The following RANBP2 variants were observed in gnomAD, a reference collection of about 807,000 sequenced individuals.
The protein encoded by RANBP2 is RAN binding protein 2.
RANBP2 carries 57 observed loss-of-function variants against 303.6 expected under a neutral mutation model. That is an observed-to-expected ratio of 0.19 (90% CI 0.15 to 0.23). The LOEUF is 0.23. Among genes scored for constraint, RANBP2 ranks in the 10% least tolerant of loss-of-function variants. RANBP2 has a pLI of 1.00. For missense variants in RANBP2, 3,138 were observed against 3,780.8 expected, an observed-to-expected ratio of 0.83 and a Z score of 4.46; for synonymous variants, 1,167 against 1,301.5, an observed-to-expected ratio of 0.90 and a Z score of 2.23.
the RANBP2 span, among the ~76,000 whole-genome samples, chr2:108,998,283 C>A: frequency 1.3e-5 from 2 of 152,196 alleles, no homozygotes; most frequent in East Asian, 3.9e-4. Context: ...ACCTGCCCCT[C>A]GGATAATGCT....
the RANBP2 span, chr2:109,251,778 A>G: frequency 1.9e-6 from 1 of 534,388 alleles, no homozygotes; most frequent in Non-Finnish European, 3.3e-6. Context: ...AATAGTCAAA[A>G]AAAGAATTAG....
At chr2:109,287,653 C>T in the RANBP2 span, among the ~76,000 whole-genome samples, 1 of 152,180 alleles carries the variant, frequency 6.6e-6, no homozygotes, top group African/African-American at 2.4e-5. Flanking sequence ...ACTGTGAGAT[C>T]AGGGTGTTCC....
At chr2:109,683,951 A>T in the RANBP2 span, among the ~76,000 whole-genome samples, 1 of 150,228 alleles carries the variant, frequency 6.7e-6, no homozygotes, top group Non-Finnish European at 1.5e-5. Context: ...GCAAAACCCT[A>T]TTTTTTTTTT....
chr2:109,501,815 G>A, the RANBP2 span: 13 of 605,640 alleles, frequency 2.1e-5, no homozygotes, highest in Admixed American at 2.8e-5. Flanking sequence ...CCAGGGTGGG[G>A]GCCAGGGACT....
chr2:109,556,519 GAACAGATCCTAAACACTTGCAGA>G, the RANBP2 span, among the ~76,000 whole-genome samples: 6 of 152,220 alleles, frequency 3.9e-5, no homozygotes, highest in East Asian at 9.6e-4. Flanking sequence ...TTCCAAGCAG[GAACAGATCCTAAACACTTGCAGA>G]AACCTGTTCT....
chr2:108,779,440 C>CA (rs1208664869), intron 25 of RANBP2, among the ~76,000 whole-genome samples: 2 of 152,040 alleles, frequency 1.3e-5, no homozygotes, highest in Non-Finnish European at 2.9e-5. Flanking sequence ...GCTGGGATTA[C>CA]AGGCATGAGC....
At chr2:109,080,425 A>G in the RANBP2 span, among the ~76,000 whole-genome samples, 3 of 152,278 alleles carry the variant, frequency 2.0e-5, no homozygotes, top group South Asian at 6.2e-4. Flanking sequence ...GAGGGATGGA[A>G]TAAGTTGATG....
chr2:108,768,486 T>C lies in RANBP2; in HGVS notation c.7849+98T>C, dbSNP rs538321475. The C allele has an allele frequency of 3.6e-3, 5,805 of 1,593,330 alleles. 21 individuals carry two copies. The highest frequency in any genetic ancestry group is 0.019 in the Middle Eastern group (81 of 4,372). ...TAGGATACTAATGTTGGGATATAAATGATGCTTTGTGAACACCCCCAAAAT... is the reference window on the plus strand; with the variant it reads ...TAGGATACTAATGTTGGGATATAAACGATGCTTTGTGAACACCCCCAAAAT... On this transcript the variant is annotated intron_variant, in intron 20 of 28. Coordinates refer to ENST00000283195, the MANE Select transcript of RANBP2 (RefSeq NM_006267.5).
the RANBP2 span, among the ~76,000 whole-genome samples, chr2:109,275,291 G>A: frequency 6.6e-6 from 1 of 152,098 alleles, no homozygotes; most frequent in Admixed American, 6.5e-5. Flanking sequence ...AAGTAGGAGA[G>A]CCTAGAGGCA....
the RANBP2 span, among the ~76,000 whole-genome samples, chr2:109,470,647 G>A: frequency 2.0e-5 from 3 of 152,204 alleles, no homozygotes; most frequent in South Asian, 2.1e-4. Flanking sequence ...ACAGTGCCAC[G>A]CATGGGGTGC....
At chr2:109,293,901 C>A in the RANBP2 span, among the ~76,000 whole-genome samples, 19 of 152,292 alleles carry the variant, frequency 1.2e-4, no homozygotes, top group African/African-American at 4.6e-4. Context: ...GGCTTGTTGC[C>A]GAGTAGCCCT....
the RANBP2 span, chr2:108,873,648 A>T: frequency 7.8e-7 from 1 of 1,286,842 alleles, no homozygotes; most frequent in South Asian, 1.4e-5. Context: ...TGATCATTTA[A>T]ACCAGGGGTT....
At chr2:109,190,372 C>T in the RANBP2 span, among the ~76,000 whole-genome samples, 92 of 152,340 alleles carry the variant, frequency 6.0e-4, 2 homozygotes, top group South Asian at 0.018. Flanking sequence ...TGGGGTTTCG[C>T]CATGTTGGCC....
the RANBP2 span, among the ~76,000 whole-genome samples, chr2:109,518,752 A>G: frequency 6.6e-6 from 1 of 152,082 alleles, no homozygotes; most frequent in Non-Finnish European, 1.5e-5. Context: ...CGGGTAATTT[A>G]TAAAGAAAGG....
At chr2:108,800,640 ATT>A in the RANBP2 span, among the ~76,000 whole-genome samples, 2 of 32,292 alleles carry the variant, frequency 6.2e-5, no homozygotes, top group Non-Finnish European at 1.2e-4. Flanking sequence ...TTTTTTTTTA[ATT>A]ATACTTTAAG....
the RANBP2 span, chr2:109,449,177 C>G: frequency 6.2e-7 from 1 of 1,613,544 alleles, no homozygotes; most frequent in Non-Finnish European, 8.5e-7. Flanking sequence ...CAGCTGCCCA[C>G]TCTGCAGCCC....
the RANBP2 span, among the ~76,000 whole-genome samples, chr2:108,841,741 T>C: frequency 2.6e-5 from 4 of 152,212 alleles, no homozygotes; most frequent in South Asian, 2.1e-4. Flanking sequence ...AATGTACTTA[T>C]TGATATGTTA....
chr2:109,313,210 A>G, the RANBP2 span, among the ~76,000 whole-genome samples: 3 of 152,194 alleles, frequency 2.0e-5, no homozygotes, highest in Non-Finnish European at 4.4e-5. Flanking sequence ...GAGCTTGTCT[A>G]TGCCAGCATC....
the RANBP2 span, among the ~76,000 whole-genome samples, chr2:109,146,899 C>A: frequency 3.9e-5 from 4 of 103,640 alleles, no homozygotes; most frequent in South Asian, 5.1e-4. Context: ...CCCCCCCCCC[C>A]CCGCCCCAAT....
Sources: gnomAD v4.1 joint callset for allele counts (sites outside exome capture counted in the v4.1 genomes callset) on GRCh38, gnomAD v4.1.1 for gene constraint, MANE v1.5 for transcripts, NCBI Gene and HGNC (gene_info 2026-07-23, HGNC 2026-07-21) for gene names.